Variants in PDE7B observed in about 807,000 individuals in gnomAD.
PDE7B encodes 3',5'-cyclic-AMP phosphodiesterase 7B.
In PDE7B, 29 loss-of-function variants were observed where a neutral mutation model predicts 56.2. The ratio of observed to expected loss-of-function variants is 0.52; its 90% CI spans 0.38 to 0.70. The LOEUF (loss-of-function observed/expected upper bound fraction) is 0.70, where lower values mean the gene tolerates loss of function less well. Ranked by LOEUF, PDE7B falls within the 30% of genes least tolerant of loss-of-function variation. The pLI is 0.00. For missense variants in PDE7B, 490 were observed against 565.0 expected (o/e 0.87, Z 1.35); for synonymous variants, 197 against 196.9 (o/e 1.00, Z 0.00).
intron 2 of PDE7B, among the ~76,000 whole-genome samples, chr6:136,031,149 G>T (rs561506962): frequency 6.6e-6 from 1 of 152,350 alleles, no homozygotes; most frequent in South Asian, 2.1e-4. Context: ...GAAAGACTGG[G>T]ATGGTTGCTG....
At chr6:135,893,359 G>A (rs1406293846) in intron 1 of PDE7B, among the ~76,000 whole-genome samples, 2 of 151,714 alleles carry the variant, frequency 1.3e-5, no homozygotes. Flanking sequence ...GAGAATGATG[G>A]TTTCCAGCTT....
intron 2 of PDE7B, among the ~76,000 whole-genome samples, chr6:135,998,929 C>A: frequency 6.6e-6 from 1 of 151,834 alleles, no homozygotes; most frequent in East Asian, 1.9e-4. Flanking sequence ...ATATGGCTCT[C>A]AAATTTACTA....
chr6:136,113,311 C>A (rs1562496313), intron 3 of PDE7B, among the ~76,000 whole-genome samples: 1 of 152,260 alleles, frequency 6.6e-6, no homozygotes, highest in East Asian at 1.9e-4. Flanking sequence ...AATACCATAT[C>A]ATATGCATTC....
chr6:135,867,171 GA>G (rs1353804313), intron 1 of PDE7B, among the ~76,000 whole-genome samples: 1 of 152,122 alleles, frequency 6.6e-6, no homozygotes, highest in African/African-American at 2.4e-5. Flanking sequence ...TATGTGTGTA[GA>G]AGAGAAATAG....
At chr6:136,043,284 C>T (rs1176362236) in intron 2 of PDE7B, among the ~76,000 whole-genome samples, 2 of 152,016 alleles carry the variant, frequency 1.3e-5, no homozygotes, top group African/African-American at 4.8e-5. Flanking sequence ...TGAACTAAAC[C>T]TTCTCCTTCA....
Position 135,918,835 on chromosome 6 carries a change from G to A in PDE7B, c.22-28629G>A, listed in dbSNP as rs147790834. Among the ~76,000 whole-genome samples the A allele has an allele frequency of 2.3e-4, 35 of 152,242 alleles. No individual in the cohort carries two copies. In the East Asian group the frequency reaches 6.0e-3, roughly 26 times the overall value. ...AGATTTCTCTCATGTTTGAAATATAGTATCTAACATTTTATAATGAACAAA... is the reference window on the plus strand; with the variant it reads ...AGATTTCTCTCATGTTTGAAATATAATATCTAACATTTTATAATGAACAAA... On this transcript the variant is annotated intron_variant, in intron 1 of 12. Coordinates refer to ENST00000308191, the MANE Select transcript of PDE7B (RefSeq NM_018945.4).
chr6:135,947,606 C>G, intron 2 of PDE7B, 82 bp downstream of exon 2: 2 of 1,046,114 alleles, frequency 1.9e-6, no homozygotes, highest in Non-Finnish European at 3.0e-6. Flanking sequence ...TTGGCTGTCT[C>G]TCATTCTGTT....
At chr6:135,933,380 G>C (rs1327998540) in intron 1 of PDE7B, among the ~76,000 whole-genome samples, 1 of 152,114 alleles carries the variant, frequency 6.6e-6, no homozygotes, top group Non-Finnish European at 1.5e-5. Context: ...AATACAATTT[G>C]TTTAACTAGT....
chr6:136,187,736 C>T (rs921976981), intron 12 of PDE7B, among the ~76,000 whole-genome samples: 5 of 152,182 alleles, frequency 3.3e-5, no homozygotes, highest in Admixed American at 6.5e-5. Flanking sequence ...TTAAGTTATG[C>T]ATTAGACCAA....
chr6:136,046,608 G>A (rs1470849898), intron 2 of PDE7B, among the ~76,000 whole-genome samples: 2 of 152,132 alleles, frequency 1.3e-5, no homozygotes, highest in Non-Finnish European at 2.9e-5. Context: ...GTGCCACTGG[G>A]CTCTGCCTGT....
At chr6:135,886,080 A>G (rs1775703660) in intron 1 of PDE7B, among the ~76,000 whole-genome samples, 2 of 152,196 alleles carry the variant, frequency 1.3e-5, no homozygotes, top group Admixed American at 1.3e-4. Flanking sequence ...TTTCTGAAAC[A>G]TACAATGGCC....
At chr6:135,889,822 A>G (rs1184139602) in intron 1 of PDE7B, among the ~76,000 whole-genome samples, 5 of 114,350 alleles carry the variant, frequency 4.4e-5, no homozygotes, top group Admixed American at 1.0e-4. Context: ...ACGCGATCTC[A>G]GCTCACTGCA....
At chr6:136,004,124 C>A (rs1775728042) in intron 2 of PDE7B, among the ~76,000 whole-genome samples, 1 of 152,104 alleles carries the variant, frequency 6.6e-6, no homozygotes, top group African/African-American at 2.4e-5. Context: ...TCAATAGATG[C>A]AGAAAAGGCC....
At chr6:135,984,053 T>C (rs79739659) in intron 2 of PDE7B, among the ~76,000 whole-genome samples, 4,808 of 152,334 alleles carry the variant, frequency 0.032, 221 homozygotes, top group African/African-American at 0.1. Context: ...CAGGACCTGA[T>C]GCTCCTGCAG....
At chr6:135,852,620 C>G (rs1309538933) in intron 1 of PDE7B, among the ~76,000 whole-genome samples, 1 of 151,842 alleles carries the variant, frequency 6.6e-6, no homozygotes, top group Non-Finnish European at 1.5e-5. Flanking sequence ...TTGCATTTTT[C>G]AAAAAATGTT....
intron 1 of PDE7B, among the ~76,000 whole-genome samples, chr6:135,899,402 C>T (rs932866054): frequency 1.4e-4 from 21 of 150,386 alleles, no homozygotes; most frequent in African/African-American, 4.9e-4. Flanking sequence ...TTATATATGT[C>T]TATATATAGA....
intron 1 of PDE7B, among the ~76,000 whole-genome samples, chr6:135,902,759 C>T (rs1021393371): frequency 6.6e-6 from 1 of 152,090 alleles, no homozygotes; most frequent in Non-Finnish European, 1.5e-5. Flanking sequence ...GTTTTGTTAG[C>T]TCAGCTTTTC....
intron 1 of PDE7B, among the ~76,000 whole-genome samples, chr6:135,910,426 A>G (rs1400889311): frequency 6.6e-6 from 1 of 152,156 alleles, no homozygotes; most frequent in Non-Finnish European, 1.5e-5. Flanking sequence ...TTTCACTTTT[A>G]AAGACTTTCT....
intron 8 of PDE7B, among the ~76,000 whole-genome samples, chr6:136,165,930 C>T (rs910537494): frequency 6.6e-6 from 1 of 152,146 alleles, no homozygotes; most frequent in Non-Finnish European, 1.5e-5. Flanking sequence ...ATGGGATGAA[C>T]AAACAGGAGT....
Sources: gnomAD v4.1 joint callset for allele counts (sites outside exome capture counted in the v4.1 genomes callset) on GRCh38, gnomAD v4.1.1 for gene constraint, MANE v1.5 for transcripts, NCBI Gene and HGNC (gene_info 2026-07-23, HGNC 2026-07-21) for gene names.